The following SPATA13 variants were observed in gnomAD, a reference collection of about 807,000 sequenced individuals.
The protein encoded by SPATA13 is spermatogenesis-associated protein 13.
SPATA13 carries 50 observed loss-of-function variants against 104.0 expected under a neutral mutation model. The observed-to-expected ratio is 0.48, with a 90% confidence interval of 0.38 to 0.61. SPATA13 has a LOEUF of 0.61. Ranked by LOEUF, SPATA13 falls within the 20% of genes least tolerant of loss-of-function variation. The pLI, the probability that SPATA13 is intolerant of heterozygous loss-of-function variation, is 0.00. For synonymous variants in SPATA13, 606 were observed against 667.5 expected (o/e 0.91, Z 1.42); for missense variants, 1,524 against 1,690.6 (o/e 0.90, Z 1.73).
At chr13:24,270,258 T>A (rs924965601) in intron 4 of SPATA13, among the ~76,000 whole-genome samples, 3 of 152,194 alleles carry the variant, frequency 2.0e-5, no homozygotes, top group Non-Finnish European at 4.4e-5. Flanking sequence ...TGGAGAGAAC[T>A]TACATGTATA....
chr13:24,145,209 T>C (rs1881890701), intron 3 of SPATA13, among the ~76,000 whole-genome samples: 2 of 152,162 alleles, frequency 1.3e-5, no homozygotes. Context: ...AATGTGTAAA[T>C]CCTACTGCCC....
intron 1 of SPATA13, among the ~76,000 whole-genome samples, chr13:23,980,279 C>T (rs549340459): frequency 5.3e-5 from 8 of 152,214 alleles, no homozygotes; most frequent in Admixed American, 4.6e-4. Context: ...ACAAAGCCAG[C>T]CTGGCGGTCG....
intron 3 of SPATA13, among the ~76,000 whole-genome samples, chr13:24,055,146 C>T (rs1485697215): frequency 6.6e-6 from 1 of 152,218 alleles, no homozygotes; most frequent in Non-Finnish European, 1.5e-5. Context: ...GATCAGCCTG[C>T]AATTCATGTG....
At chr13:24,055,195 A>C (rs1878497458) in intron 3 of SPATA13, among the ~76,000 whole-genome samples, 1 of 152,192 alleles carries the variant, frequency 6.6e-6, no homozygotes, top group Non-Finnish European at 1.5e-5. Flanking sequence ...TGAAAATCTT[A>C]TACACTTAAA....
intron 3 of SPATA13, among the ~76,000 whole-genome samples, chr13:24,050,770 G>C (rs902266508): frequency 2.0e-5 from 3 of 152,220 alleles, no homozygotes; most frequent in Non-Finnish European, 4.4e-5. Flanking sequence ...TGACTCCCGC[G>C]CTGGCAGGAC....
chr13:24,223,388 C>A lies in SPATA13; in HGVS notation c.459C>A (p.Val153=), dbSNP rs1191269253. 3 of 1,551,186 alleles carry A rather than the reference C, an allele frequency of 1.9e-6. No individual in the cohort carries two copies. The highest frequency in any genetic ancestry group is 2.6e-6 in the Non-Finnish European group (3 of 1,147,000). ...GLGKSIPNGA[V]PGAQASRGSP... is the part of the protein sequence containing the mutation. ...GAAAGTCCATCCCAAATGGCGCTGT[C>A]CCAGGAGCCCAGGCAAGCAGGGGCT... Residue 153 remains valine, a synonymous_variant, in exon 2 of 13, where the codon GTC becomes GTA. Transcript: ENST00000382108.
chr13:24,095,409 G>A (rs1880040415), intron 3 of SPATA13, among the ~76,000 whole-genome samples: 1 of 152,100 alleles, frequency 6.6e-6, no homozygotes, highest in African/African-American at 2.4e-5. Flanking sequence ...CCCAGGGCTG[G>A]GGTAGGGGGT....
At position 24,211,232 on chromosome 13, in the gene SPATA13, C is replaced by T. The variant is rs934590490; in HGVS notation, c.-111-11587C>T. 3.9e-5 allele frequency among the ~76,000 whole-genome samples: 6 copies of T among 152,138 alleles called. No homozygotes were observed. In the South Asian group the frequency reaches 8.3e-4, roughly 21 times the overall value. ...CTATTTAACTTCTTCCTTTCTGATTCGGTTGCCTTTCTTTCTTTCTCTTGC... is the reference window on the plus strand; with the variant it reads ...CTATTTAACTTCTTCCTTTCTGATTTGGTTGCCTTTCTTTCTTTCTCTTGC... On this transcript the variant is annotated intron_variant, in intron 1 of 12. Transcript: ENST00000382108.
Position 24,161,572 on chromosome 13 carries a change from A to G in SPATA13, c.-112+640A>G, listed in dbSNP as rs965441031. On this transcript the variant is annotated intron_variant, in intron 1 of 12. Transcript: ENST00000382108. This position sits in a 1 kb window ranked among gnomAD's most constrained non-coding sequence, Gnocchi z 4.5. ...GTGGGGGAATTGGTACTCCAGCCCC[A>G]GGCAGGTAGAAGCCCGCGCTGCTGC... Among the ~76,000 whole-genome samples the G allele has an allele frequency of 7.2e-5, 11 of 152,112 alleles. No individual in the cohort carries two copies. Among genetic ancestry groups the G allele is most frequent in the African/African-American group, 2.2e-4 (9 of 41,432 alleles).
At chr13:24,106,371 T>C (rs1358054410) in intron 3 of SPATA13, among the ~76,000 whole-genome samples, 1 of 152,230 alleles carries the variant, frequency 6.6e-6, no homozygotes, top group Non-Finnish European at 1.5e-5. Flanking sequence ...CCATCTTTTA[T>C]TTCTCATCTG....
rs535658908 is a variant in SPATA13, at chr13:24,172,492, T to C, written c.-112+11560T>C. Among the ~76,000 whole-genome samples, 6 of 152,342 alleles carry C rather than the reference T, an allele frequency of 3.9e-5. No individual in the cohort carries two copies. The South Asian group carries it at 1.2e-3, about 32-fold the overall frequency. On this transcript the variant is annotated intron_variant, in intron 1 of 12. Transcript: ENST00000382108. ...TTCTAAAACGTTCGTGGTTTTTCAT[T>C]TTACAGTTAAGTCCATGATCCATTC...
rs769769029 is a variant in SPATA13 at position 24,294,888 on chromosome 13, C to T, written c.3210+20C>T. 6.3e-7 allele frequency: 1 copy of T among 1,590,778 alleles called. No individual in the cohort carries two copies. Among genetic ancestry groups the T allele is most frequent in the Non-Finnish European group, 8.6e-7 (1 of 1,160,908 alleles). ...TGGGAGGTAAGTGGAAAGCACCCCA[C>T]ATGATCCCATGCCACTCGCCCTTCC... is the stretch of plus-strand genomic sequence containing the variant. On this transcript the variant is annotated intron_variant, in intron 10 of 12. Transcript: ENST00000382108.
At position 24,213,876 on chromosome 13, in the gene SPATA13, T is replaced by C. The variant is rs145325972; in HGVS notation, c.-111-8943T>C. Among the ~76,000 whole-genome samples the C allele has an allele frequency of 5.9e-5, 9 of 152,332 alleles. No homozygotes were observed. The East Asian group carries it at 1.7e-3, about 29-fold the overall frequency. ...ATTTAGAATACTACTTGTTCAACAG[T>C]TTACAGAACATTTTACCTTCTGGTA... On this transcript the variant is annotated intron_variant, in intron 1 of 12. Coordinates refer to ENST00000382108, the MANE Select transcript of SPATA13 (RefSeq NM_001166271.3).
chr13:24,281,367 A>G lies in SPATA13; in HGVS notation c.2165-2768A>G, dbSNP rs1380173709. Among the ~76,000 whole-genome samples, 4 of 152,168 alleles carry G rather than the reference A, an allele frequency of 2.6e-5. No individual in the cohort carries two copies. The South Asian group carries it at 6.2e-4, about 24-fold the overall frequency. On this transcript the variant is annotated intron_variant, in intron 4 of 12. Coordinates refer to ENST00000382108, the MANE Select transcript of SPATA13 (RefSeq NM_001166271.3). ...CAGGCAGGGGAGTGGAGGTGGGTAG[A>G]GGGTGACTGGCACCATGCACTCAGA... is the stretch of plus-strand genomic sequence containing the variant.
intron 2 of SPATA13, among the ~76,000 whole-genome samples, chr13:24,230,488 A>G (rs1872197857): frequency 6.6e-6 from 1 of 152,128 alleles, no homozygotes. Context: ...AGGGCACTGG[A>G]CTTCCAGGCT....
intron 4 of SPATA13, among the ~76,000 whole-genome samples, chr13:24,281,478 G>A (rs1875513457): frequency 6.6e-6 from 1 of 152,206 alleles, no homozygotes; most frequent in African/African-American, 2.4e-5. Flanking sequence ...CTGTCGCGGT[G>A]TCCGGCGCAC....
chr13:24,300,899 G>GTC (rs925817542), intron 12 of SPATA13, among the ~76,000 whole-genome samples: 20 of 152,134 alleles, frequency 1.3e-4, no homozygotes, highest in African/African-American at 4.8e-4. Context: ...GCTGGATATA[G>GTC]TCTAGTTTAA....
rs148324549 is a variant in SPATA13 at position 24,104,039 on chromosome 13, G to A, written c.-112+86338G>A. 3.0e-3 allele frequency among the ~76,000 whole-genome samples: 459 copies of A among 152,204 alleles called. 4 individuals are homozygous for A. Among genetic ancestry groups the A allele is most frequent in the African/African-American group, 0.011 (446 of 41,516 alleles). On this transcript the variant is annotated intron_variant, in intron 3 of 14. Coordinates refer to the SPATA13 transcript ENST00000424834. ...TCCTGCAGCCTTTCTCATTGATGGG[G>A]ACATAGGAACGTTGTGATTTTAATG...
intron 3 of SPATA13, among the ~76,000 whole-genome samples, chr13:24,138,496 T>C (rs972021361): frequency 6.6e-6 from 1 of 152,246 alleles, no homozygotes; most frequent in African/African-American, 2.4e-5. Flanking sequence ...GTTGGTTTTA[T>C]AAAATACATT....
Sources: gnomAD v4.1 joint callset for allele counts (sites outside exome capture counted in the v4.1 genomes callset) on GRCh38, gnomAD v4.1.1 for gene constraint, Gnocchi (gnomAD v3.1) non-coding constraint, MANE v1.5 for transcripts, NCBI Gene and HGNC (gene_info 2026-07-23, HGNC 2026-07-21) for gene names.